The following ARHGAP15 variants were observed in gnomAD, a reference collection of about 807,000 sequenced individuals.
ARHGAP15 encodes the protein Rho GTPase activating protein 15.
A neutral mutation model predicts 63.7 loss-of-function variants in ARHGAP15; 51 were observed. That is an observed-to-expected ratio of 0.80 (90% CI 0.64 to 1.01). The LOEUF is 1.01. Among genes scored for constraint, ARHGAP15 ranks in the 50% least tolerant of loss-of-function variants. The pLI, the probability that ARHGAP15 is intolerant of heterozygous loss-of-function variation, is 0.00. For synonymous variants in ARHGAP15, 191 were observed against 193.8 expected (o/e 0.99, Z 0.12); for missense variants, 560 against 564.6 (o/e 0.99, Z 0.08).
At chr2:143,652,719 T>C (rs764390953) in intron 12 of ARHGAP15, among the ~76,000 whole-genome samples, 15 of 152,126 alleles carry the variant, frequency 9.9e-5, no homozygotes, top group Non-Finnish European at 2.2e-4. Context: ...CCTGCTTGTT[T>C]GATGCTACTA....
chr2:143,263,907 CTTTTTTTTTTTTTTTTTT>C (rs373296096), intron 6 of ARHGAP15, among the ~76,000 whole-genome samples: 28 of 38,454 alleles, frequency 7.3e-4, no homozygotes, highest in Middle Eastern at 0.028. Context: ...AAGCTGCAGT[CTTTTTTTTTTTTTTTTTT>C]TTTTTTTTTT....
intron 5 of ARHGAP15, among the ~76,000 whole-genome samples, chr2:143,232,495 T>C (rs1693485655): frequency 6.6e-6 from 1 of 152,202 alleles, no homozygotes; most frequent in South Asian, 2.1e-4. Flanking sequence ...AATGTATTTT[T>C]ATTTATAACT....
At chr2:143,738,092 GC>G (rs1357230000) in intron 13 of ARHGAP15, among the ~76,000 whole-genome samples, 3 of 150,892 alleles carry the variant, frequency 2.0e-5, no homozygotes, top group Non-Finnish European at 4.4e-5. Context: ...AGCATCGGCA[GC>G]ATATATATAT....
At chr2:143,578,063 A>G (rs1211122734) in intron 11 of ARHGAP15, among the ~76,000 whole-genome samples, 1 of 152,134 alleles carries the variant, frequency 6.6e-6, no homozygotes, top group Admixed American at 6.6e-5. Flanking sequence ...CTTTTTAAAA[A>G]TATTCAGTAA....
intron 11 of ARHGAP15, among the ~76,000 whole-genome samples, chr2:143,577,317 AT>A (rs1428610645): frequency 6.6e-6 from 1 of 152,128 alleles, no homozygotes; most frequent in Non-Finnish European, 1.5e-5. Context: ...TACATATTTG[AT>A]CTTTCAAGAT....
intron 9 of ARHGAP15, among the ~76,000 whole-genome samples, chr2:143,507,303 A>G (rs1022276739): frequency 6.6e-6 from 1 of 152,188 alleles, no homozygotes; most frequent in African/African-American, 2.4e-5. Context: ...TAGACCAGAT[A>G]CTATTTTACT....
chr2:143,214,781 A>G (rs1341275521), intron 3 of ARHGAP15, among the ~76,000 whole-genome samples: 1 of 152,224 alleles, frequency 6.6e-6, no homozygotes, highest in African/African-American at 2.4e-5. Flanking sequence ...GTCCCGTGCT[A>G]TGTATTAGGA....
chr2:143,454,389 C>A (rs1163598963), intron 8 of ARHGAP15, among the ~76,000 whole-genome samples: 1 of 152,006 alleles, frequency 6.6e-6, no homozygotes, highest in Non-Finnish European at 1.5e-5. Flanking sequence ...AAACACCAAG[C>A]AATGTGTTTT....
chr2:143,473,880 G>A (rs1447015261), intron 8 of ARHGAP15, among the ~76,000 whole-genome samples: 1 of 151,968 alleles, frequency 6.6e-6, no homozygotes, highest in Non-Finnish European at 1.5e-5. Context: ...GAAGCTTTTG[G>A]AGGCCTTTAA....
At chr2:143,612,191 T>C (rs1430490602) in intron 11 of ARHGAP15, among the ~76,000 whole-genome samples, 2 of 152,220 alleles carry the variant, frequency 1.3e-5, no homozygotes, top group African/African-American at 4.8e-5. Context: ...ATTTCATCAT[T>C]CACCTTTGCA....
At chr2:143,529,933 G>C (rs748009061) in intron 10 of ARHGAP15, among the ~76,000 whole-genome samples, 1 of 152,082 alleles carries the variant, frequency 6.6e-6, no homozygotes, top group East Asian at 1.9e-4. Context: ...GAGTCCTTGA[G>C]TCTAGGAATT....
At chr2:143,459,262 C>T (rs1269615409) in intron 8 of ARHGAP15, among the ~76,000 whole-genome samples, 5 of 151,764 alleles carry the variant, frequency 3.3e-5, no homozygotes, top group African/African-American at 9.7e-5. Flanking sequence ...TTTTTGCCAG[C>T]ATCCAATCCA....
intron 6 of ARHGAP15, among the ~76,000 whole-genome samples, chr2:143,261,445 TCTC>T (rs1313144375): frequency 6.7e-6 from 1 of 149,744 alleles, no homozygotes; most frequent in Non-Finnish European, 1.5e-5. Flanking sequence ...TTCAAGCAAT[TCTC>T]CTGCCTCAGT....
At chr2:143,251,649 A>G (rs569933802) in intron 6 of ARHGAP15, among the ~76,000 whole-genome samples, 4 of 152,174 alleles carry the variant, frequency 2.6e-5, no homozygotes, top group Admixed American at 2.6e-4. Flanking sequence ...TTGCTTAGGT[A>G]TAGAGATTTT....
intron 6 of ARHGAP15, among the ~76,000 whole-genome samples, chr2:143,291,866 C>T (rs1481524015): frequency 2.6e-5 from 4 of 151,986 alleles, no homozygotes; most frequent in Non-Finnish European, 5.9e-5. Flanking sequence ...TAAAGAATTC[C>T]GGAATCTTTT....
intron 6 of ARHGAP15, among the ~76,000 whole-genome samples, chr2:143,297,900 A>G (rs1682716911): frequency 6.6e-6 from 1 of 152,048 alleles, no homozygotes; most frequent in Non-Finnish European, 1.5e-5. Flanking sequence ...TTACTAGGCC[A>G]CATGTTTTGA....
At chr2:143,728,172 G>A (rs1685368743) in intron 13 of ARHGAP15, among the ~76,000 whole-genome samples, 1 of 152,150 alleles carries the variant, frequency 6.6e-6, no homozygotes, top group South Asian at 2.1e-4. Flanking sequence ...TTATTCTGAG[G>A]TCTCTCCCCT....
chr2:143,489,983 C>G (rs1451306157), intron 9 of ARHGAP15, among the ~76,000 whole-genome samples: 3 of 151,988 alleles, frequency 2.0e-5, no homozygotes, highest in African/African-American at 7.2e-5. Flanking sequence ...TGTCAGTTTT[C>G]TTTTTCTTTT....
intron 1 of ARHGAP15, 62 bp from the exon 2 acceptor site, chr2:143,155,415 T>C (rs1363084766): frequency 7.1e-7 from 1 of 1,406,496 alleles, no homozygotes; most frequent in East Asian, 2.6e-5. Flanking sequence ...GGACACTCCA[T>C]CAAGAGTTTT....
Sources: allele counts gnomAD v4.1 joint callset (sites outside exome capture counted in the v4.1 genomes callset), GRCh38; gene constraint gnomAD v4.1.1; transcripts MANE v1.5; gene names NCBI Gene and HGNC (gene_info 2026-07-23, HGNC 2026-07-21).